The following VAV2 variants were observed in gnomAD, a reference collection of about 807,000 sequenced individuals.
The protein encoded by VAV2 is vav guanine nucleotide exchange factor 2, also known as guanine nucleotide exchange factor VAV2.
A neutral mutation model predicts 132.5 loss-of-function variants in VAV2; 67 were observed. That is an observed-to-expected ratio of 0.51 (90% CI 0.42 to 0.62). The LOEUF is 0.62. VAV2 is among the 20% of genes least tolerant of loss of function. The pLI, the probability that VAV2 is intolerant of heterozygous loss-of-function variation, is 0.00. For missense variants in VAV2, 938 were observed against 1,153.6 expected, an observed-to-expected ratio of 0.81 and a Z score of 2.71; for synonymous variants, 492 against 443.5, an observed-to-expected ratio of 1.11 and a Z score of -1.37.
At position 133,794,061 on chromosome 9, in the gene VAV2, G is replaced by A. The variant is rs894356538; in HGVS notation, c.1101+1607C>T. ...CACTCCTGGGAAACCATCCCGTCGA[G>A]GGGCTCAGAGCCACTCGCCAGCCAG... On this transcript the variant is annotated intron_variant, in intron 12 of 29. Transcript: ENST00000371850. The surrounding 1 kb of genome is among the most constrained non-coding windows in gnomAD (Gnocchi z 4.6). Among the ~76,000 whole-genome samples the A allele has an allele frequency of 6.6e-5, 10 of 152,188 alleles. No individual in the cohort carries two copies. Among genetic ancestry groups the A allele is most frequent in the African/African-American group, 2.2e-4 (9 of 41,526 alleles).
intron 2 of VAV2, among the ~76,000 whole-genome samples, chr9:133,897,524 C>T (rs772399683): frequency 3.9e-5 from 6 of 152,176 alleles, no homozygotes; most frequent in Non-Finnish European, 8.8e-5. Context: ...AGGGTGAGCT[C>T]CTTCCTGTCT....
intron 1 of VAV2, among the ~76,000 whole-genome samples, chr9:133,946,037 T>C (rs558622960): frequency 2.0e-5 from 3 of 152,168 alleles, no homozygotes; most frequent in African/African-American, 7.2e-5. Context: ...ACTGGGGAAG[T>C]CCAGAAGTCC....
chr9:133,910,465 T>A (rs1288088764), intron 2 of VAV2, among the ~76,000 whole-genome samples: 1 of 151,940 alleles, frequency 6.6e-6, no homozygotes, highest in Non-Finnish European at 1.5e-5. Flanking sequence ...ATTTGACAGA[T>A]GAGGTGCCAA....
chr9:133,843,925 C>G (rs1836826973), intron 3 of VAV2, among the ~76,000 whole-genome samples: 1 of 147,804 alleles, frequency 6.8e-6, no homozygotes, highest in Admixed American at 6.6e-5. Context: ...CCGGCAGTGA[C>G]CTTGACATCT....
chr9:133,777,028 T>C (rs1362927387), intron 23 of VAV2, among the ~76,000 whole-genome samples: 1 of 152,192 alleles, frequency 6.6e-6, no homozygotes, highest in Non-Finnish European at 1.5e-5. Flanking sequence ...GAGCCTTTTT[T>C]TCTCTCTAAG....
intron 3 of VAV2, among the ~76,000 whole-genome samples, chr9:133,836,175 G>T (rs1415157558): frequency 6.6e-6 from 1 of 152,206 alleles, no homozygotes; most frequent in African/African-American, 2.4e-5. Context: ...CCAGGTGATG[G>T]GGGTGGGGCT....
At chr9:133,942,553 G>A (rs1007990167) in intron 1 of VAV2, among the ~76,000 whole-genome samples, 1 of 152,256 alleles carries the variant, frequency 6.6e-6, no homozygotes, top group African/African-American at 2.4e-5. Flanking sequence ...CTTCCAGCCT[G>A]GCGTGACTAT....
rs377220826 is a variant in VAV2, at chr9:133,910,646, TAAA to T, written c.321+28454_321+28456del. On this transcript the variant is annotated intron_variant, in intron 2 of 29. Coordinates refer to ENST00000371850, the MANE Select transcript of VAV2 (RefSeq NM_001134398.2). ...TAACACGGTGAAACCCCGACTCTAC[TAAA>T]AAAAAAAAAAAAAAATTACAAAAAC... Among the ~76,000 whole-genome samples the T allele has an allele frequency of 7.5e-3, 1,034 of 138,554 alleles. 7 individuals carry two copies. The highest frequency in any genetic ancestry group is 0.019 in the African/African-American group (696 of 36,876). The allele number at this position is 138,554 out of a possible 152,430, so 90.9% of individuals were successfully genotyped here.
chr9:133,965,187 TA>T lies in VAV2; in HGVS notation c.205-25969del, dbSNP rs529798168. On this transcript the variant is annotated intron_variant, in intron 1 of 29. Transcript: ENST00000371850. ...ATACACCAACAATGGACTAGCAGAA[TA>T]AAAAAAAAATCAAGAAAGGCCAGGC... Among the ~76,000 whole-genome samples, 81 of 147,572 alleles carry T rather than the reference TA, an allele frequency of 5.5e-4. 1 individual carries two copies. Among genetic ancestry groups the T allele is most frequent in the Admixed American group, 4.7e-3 (70 of 14,822 alleles).
In VAV2 at chr9:133,823,239, G is replaced by A. The variant is rs1367459178; in HGVS notation, c.450-11023C>T. On this transcript the variant is annotated intron_variant, in intron 4 of 29. Coordinates refer to ENST00000371850, the MANE Select transcript of VAV2 (RefSeq NM_001134398.2). The surrounding 1 kb of genome is among the most constrained non-coding windows in gnomAD (Gnocchi z 5.5). ...CTTATGGAGCGTTTATCTCAGCAGT[G>A]AGAAACAGAAGCAGGAAGACAAGGG... is the stretch of plus-strand genomic sequence containing the variant. Among the ~76,000 whole-genome samples the A allele has an allele frequency of 6.6e-6, 1 of 152,214 alleles. No homozygotes were observed. Among genetic ancestry groups the A allele is most frequent in the Non-Finnish European group, 1.5e-5 (1 of 68,030 alleles).
intron 3 of VAV2, among the ~76,000 whole-genome samples, chr9:133,850,415 A>G (rs1837119696): frequency 6.6e-6 from 1 of 152,124 alleles, no homozygotes; most frequent in South Asian, 2.1e-4. Context: ...AGCTCCTGCT[A>G]TGTCCCAGCA....
At chr9:133,854,725 T>A (rs894495758) in intron 3 of VAV2, among the ~76,000 whole-genome samples, 2 of 152,198 alleles carry the variant, frequency 1.3e-5, no homozygotes, top group African/African-American at 2.4e-5. Flanking sequence ...AGGAGTTTAA[T>A]GTCTTCCAAT....
intron 9 of VAV2, among the ~76,000 whole-genome samples, chr9:133,798,352 A>G (rs1257640017): frequency 6.6e-6 from 1 of 152,164 alleles, no homozygotes; most frequent in African/African-American, 2.4e-5. Context: ...CCCCGTCTTC[A>G]GGGATGCAGG....
At chr9:133,803,432 A>C (rs1835016039) in intron 9 of VAV2, among the ~76,000 whole-genome samples, 1 of 143,908 alleles carries the variant, frequency 6.9e-6, no homozygotes, top group Non-Finnish European at 1.5e-5. Context: ...CAAGGAAGCC[A>C]CCAGGAGCTG....
At chr9:133,882,086 C>A (rs565794207) in intron 2 of VAV2, among the ~76,000 whole-genome samples, 129 of 152,352 alleles carry the variant, frequency 8.5e-4, no homozygotes, top group African/African-American at 2.9e-3. Context: ...AGGCAGCCAT[C>A]CCCAGATAGC....
chr9:133,889,153 G>A (rs2131964653), intron 2 of VAV2, among the ~76,000 whole-genome samples: 1 of 152,322 alleles, frequency 6.6e-6, no homozygotes, highest in East Asian at 1.9e-4. Context: ...CCGAGGCCCA[G>A]CAAACCACAG....
chr9:133,779,957 G>T lies in VAV2; in HGVS notation c.1741-18C>A, dbSNP rs540626. On this transcript the variant is annotated intron_variant, in intron 20 of 29. Transcript: ENST00000371850. ...GAGGCGTCCTGTGAGGACAAGGACA[G>T]AACACAGAGATGAGGGAAGGCTGCT... The T allele has an allele frequency of 6.2e-6, 10 of 1,611,932 alleles. No homozygotes were observed. Among genetic ancestry groups the T allele is most frequent in the Non-Finnish European group, 8.5e-6 (10 of 1,179,450 alleles).
chr9:133,813,461 G>C (rs1352374800), intron 4 of VAV2, among the ~76,000 whole-genome samples: 1 of 152,260 alleles, frequency 6.6e-6, no homozygotes, highest in African/African-American at 2.4e-5. Context: ...GGTTGGGGAG[G>C]ACCATTCAAG....
chr9:133,892,742 G>A (rs1839028901), intron 2 of VAV2, among the ~76,000 whole-genome samples: 1 of 152,172 alleles, frequency 6.6e-6, no homozygotes, highest in Non-Finnish European at 1.5e-5. Context: ...AGGGAGGAGA[G>A]GACTCACAGG....
Sources: gnomAD v4.1 joint callset for allele counts (sites outside exome capture counted in the v4.1 genomes callset) on GRCh38, gnomAD v4.1.1 for gene constraint, Gnocchi (gnomAD v3.1) non-coding constraint, MANE v1.5 for transcripts, NCBI Gene and HGNC (gene_info 2026-07-23, HGNC 2026-07-21) for gene names.